PPARGC1B: variants seen among roughly 807,000 people sequenced by gnomAD.
PPARGC1B encodes peroxisome proliferator-activated receptor gamma coactivator 1-beta.
A neutral mutation model predicts 101.6 loss-of-function variants in PPARGC1B; 34 were observed. The observed-to-expected ratio is 0.33, with a 90% CI of 0.25 to 0.45. The LOEUF (loss-of-function observed/expected upper bound fraction) is 0.45. Ranked by LOEUF, PPARGC1B falls within the 20% of genes least tolerant of loss-of-function variation. The probability of loss-of-function intolerance (pLI) is 1.00; values close to 1 mark genes in which losing one functional copy is unlikely to be tolerated. For synonymous variants in PPARGC1B, 548 were observed against 539.3 expected, an observed-to-expected ratio of 1.02 and a Z score of -0.22; for missense variants, 1,234 against 1,317.6, an observed-to-expected ratio of 0.94 and a Z score of 0.98.
intron 1 of PPARGC1B, among the ~76,000 whole-genome samples, chr5:149,738,016 G>T (rs1382686934): frequency 6.6e-6 from 1 of 152,170 alleles, no homozygotes; most frequent in East Asian, 1.9e-4. Flanking sequence ...GTTGTGAAGA[G>T]TCAGTGAAAA....
chr5:149,783,532 C>A (rs1239914457), intron 1 of PPARGC1B, among the ~76,000 whole-genome samples: 1 of 151,994 alleles, frequency 6.6e-6, no homozygotes, highest in Admixed American at 6.6e-5. Context: ...TGGGGGAGAC[C>A]CCAGGCCAGT....
At position 149,750,453 on chromosome 5, in the gene PPARGC1B, A is replaced by AATATATATATAT. The variant is rs55971526; in HGVS notation, c.78+20058_78+20069dup. Reference sequence around the variant, plus strand: ...TAGCTGTCTTCTCTGTTTTAGTTAAAATATATATATATATATATATATATA... The same window carrying AATATATATATAT: ...TAGCTGTCTTCTCTGTTTTAGTTAAAATATATATATATATATATATATATATATATATATATA... On this transcript the variant is annotated intron_variant, in intron 1 of 11. Transcript: ENST00000309241. 7.8e-3 allele frequency among the ~76,000 whole-genome samples: 962 copies of AATATATATATAT among 122,886 alleles called. 18 individuals are homozygous for AATATATATATAT. Among genetic ancestry groups the AATATATATATAT allele is most frequent in the African/African-American group, 0.011 (347 of 31,942 alleles). 80.6% of individuals were successfully genotyped at this position (122,886 alleles called of 152,430 possible).
chr5:149,785,519 C>T (rs1175716545), intron 1 of PPARGC1B, among the ~76,000 whole-genome samples: 9 of 152,220 alleles, frequency 5.9e-5, no homozygotes, highest in African/African-American at 1.9e-4. Flanking sequence ...GCAGTTTGAA[C>T]GTCTCATAAA....
chr5:149,847,427 C>T (rs1561642380), intron 11 of PPARGC1B, 31 bp from the exon 12 acceptor site: 2 of 1,541,740 alleles, frequency 1.3e-6, no homozygotes, highest in Admixed American at 1.7e-5. Flanking sequence ...CTGCCTTCCC[C>T]TCTTCCCTGC....
intron 1 of PPARGC1B, among the ~76,000 whole-genome samples, chr5:149,789,260 A>G (rs1756924727): frequency 1.3e-5 from 2 of 152,152 alleles, no homozygotes; most frequent in African/African-American, 4.8e-5. Flanking sequence ...TTAGACATGA[A>G]TCAACTGAAC....
chr5:149,767,599 C>T (rs2113174148), intron 1 of PPARGC1B, among the ~76,000 whole-genome samples: 1 of 152,280 alleles, frequency 6.6e-6, no homozygotes, highest in South Asian at 2.1e-4. Flanking sequence ...AGTTCCTTCC[C>T]AAGTAAGAAA....
chr5:149,840,824 C>T (rs1265254916), intron 9 of PPARGC1B, among the ~76,000 whole-genome samples: 1 of 152,212 alleles, frequency 6.6e-6, no homozygotes, highest in Non-Finnish European at 1.5e-5. Context: ...GACAAACAGA[C>T]TCCTGCTGAG....
rs201665839 is a variant in PPARGC1B at position 149,833,560 on chromosome 5, C to T, written c.1487C>T (p.Pro496Leu). ...LGPWLTFADEPLVPSEPQGAL... is the reference protein window; with the variant it reads ...LGPWLTFADELLVPSEPQGAL... ...CCCTGGCTGACATTTGCAGATGAGC[C>T]GCTGGTCCCCTCGGAGCCCCAAGGT... Residue 496 changes from proline to leucine, a missense_variant, in exon 5 of 12, where the codon CCG becomes CTG. By Grantham distance (98) the Pro-to-Leu change is moderately conservative (BLOSUM62 -3). Coordinates refer to ENST00000309241, the MANE Select transcript of PPARGC1B (RefSeq NM_133263.4). This position sits in a 1 kb window ranked among gnomAD's most constrained non-coding sequence, Gnocchi z 4.1. 3.9e-5 allele frequency: 62 copies of T among 1,588,936 alleles called. No homozygotes were observed. In the Middle Eastern group the frequency reaches 9.9e-4, roughly 25 times the overall value.
At chr5:149,795,271 C>T (rs55813581) in intron 1 of PPARGC1B, among the ~76,000 whole-genome samples, 6 of 152,118 alleles carry the variant, frequency 3.9e-5, no homozygotes, top group Admixed American at 2.6e-4. Flanking sequence ...AGTTGGGTGT[C>T]TCTAAGGGAA....
chr5:149,848,041 T>G lies in PPARGC1B; in HGVS notation c.*483T>G, dbSNP rs181513816. Reference sequence around the variant, plus strand: ...ATTTATGGCTCAGATGTACTGTGCCTGGGATTATTGTATTGCTTCCTTGAT... The same window carrying G: ...ATTTATGGCTCAGATGTACTGTGCCGGGGATTATTGTATTGCTTCCTTGAT... On this transcript the variant is annotated 3_prime_UTR_variant, in exon 12 of 12. Coordinates refer to ENST00000309241, the MANE Select transcript of PPARGC1B (RefSeq NM_133263.4). 1 of 167,064 alleles carries G rather than the reference T, an allele frequency of 6.0e-6. No homozygotes were observed. The highest frequency in any genetic ancestry group is 1.6e-4 in the East Asian group (1 of 6,100). The allele number at this position is 167,064 out of a possible 1,614,324, so 10.3% of individuals were successfully genotyped here.
chr5:149,759,010 A>G (rs1205415599), intron 1 of PPARGC1B, among the ~76,000 whole-genome samples: 2 of 152,208 alleles, frequency 1.3e-5, no homozygotes, highest in Non-Finnish European at 2.9e-5. Context: ...AACTGCAGAT[A>G]TACCCTTTCA....
At chr5:149,793,957 C>T (rs1757113582) in intron 1 of PPARGC1B, among the ~76,000 whole-genome samples, 1 of 152,188 alleles carries the variant, frequency 6.6e-6, no homozygotes, top group Admixed American at 6.5e-5. Flanking sequence ...GCGCCAAATC[C>T]AATCAGCTGC....
intron 1 of PPARGC1B, among the ~76,000 whole-genome samples, chr5:149,798,535 T>C (rs761251259): frequency 1.3e-5 from 2 of 152,340 alleles, no homozygotes; most frequent in East Asian, 1.9e-4. Flanking sequence ...CTCAGCTTAG[T>C]TGATTCCCGT....
chr5:149,750,348 A>G (rs1334254684), intron 1 of PPARGC1B, among the ~76,000 whole-genome samples: 2 of 151,574 alleles, frequency 1.3e-5, no homozygotes, highest in African/African-American at 4.9e-5. Context: ...TGATATCTAC[A>G]ATAATTTCTT....
chr5:149,826,910 T>C, intron 3 of PPARGC1B, 25 bp downstream of exon 3: 1 of 1,546,504 alleles, frequency 6.5e-7, no homozygotes, highest in African/African-American at 1.4e-5. Flanking sequence ...ACAGCAGAAG[T>C]GATGGTTGCA....
At chr5:149,809,958 C>T (rs987086782) in intron 1 of PPARGC1B, among the ~76,000 whole-genome samples, 4 of 152,020 alleles carry the variant, frequency 2.6e-5, no homozygotes, top group African/African-American at 7.2e-5. Context: ...AGAGAGAAGG[C>T]GTTCCAGGCT....
At chr5:149,828,769 G>C (rs143557236) in intron 3 of PPARGC1B, among the ~76,000 whole-genome samples, 1,588 of 152,300 alleles carry the variant, frequency 0.01, 21 homozygotes, top group African/African-American at 0.036. Context: ...CTGAGGGACC[G>C]GGCACAGTGG....
intron 1 of PPARGC1B, among the ~76,000 whole-genome samples, chr5:149,764,832 A>G (rs1755846180): frequency 6.6e-6 from 1 of 152,258 alleles, no homozygotes; most frequent in South Asian, 2.1e-4. Context: ...GGAAGTTGGC[A>G]TGAAAACCAT....
chr5:149,848,429 C>A lies in PPARGC1B; in HGVS notation c.*871C>A, dbSNP rs1379464409. The A allele has an allele frequency of 2.0e-5, 3 of 152,216 alleles. No individual in the cohort carries two copies. The highest frequency in any genetic ancestry group is 4.4e-5 in the Non-Finnish European group (3 of 68,060). The allele number at this position is 152,216 out of a possible 1,614,324, so 9.4% of individuals were successfully genotyped here. A position where few individuals can be genotyped will look rare whatever the true frequency, so the allele number is the denominator to read the frequency against. ...GGAGGTCCGGTTACCAGTGAGGAGGCAGAGCGGTGACCCAGACCAGGCCTT... is the reference window on the plus strand; with the variant it reads ...GGAGGTCCGGTTACCAGTGAGGAGGAAGAGCGGTGACCCAGACCAGGCCTT... On this transcript the variant is annotated 3_prime_UTR_variant, in exon 12 of 12. Coordinates refer to ENST00000309241, the MANE Select transcript of PPARGC1B (RefSeq NM_133263.4).
Sources: allele counts gnomAD v4.1 joint callset (sites outside exome capture counted in the v4.1 genomes callset), GRCh38; gene constraint gnomAD v4.1.1; non-coding constraint Gnocchi (gnomAD v3.1); transcripts MANE v1.5; gene names NCBI Gene and HGNC (gene_info 2026-07-23, HGNC 2026-07-21).